OSBPL6: variants seen among roughly 807,000 people sequenced by gnomAD.
OSBPL6 encodes oxysterol-binding protein-related protein 6.
Under a neutral mutation model 125.8 loss-of-function variants are expected in OSBPL6, and 49 were observed. The observed-to-expected ratio is 0.39, with a 90% CI of 0.31 to 0.49. The LOEUF (loss-of-function observed/expected upper bound fraction) is 0.49, where lower values mean the gene tolerates loss of function less well. OSBPL6 is among the 20% of genes least tolerant of loss of function. The probability of loss-of-function intolerance (pLI) is 0.88; values close to 1 mark genes in which losing one functional copy is unlikely to be tolerated. For missense variants in OSBPL6, 986 were observed against 1,135.4 expected, an observed-to-expected ratio of 0.87 and a Z score of 1.89; for synonymous variants, 394 against 391.8, an observed-to-expected ratio of 1.01 and a Z score of -0.07.
chr2:178,286,413 T>C (rs893991846), intron 2 of OSBPL6, among the ~76,000 whole-genome samples: 3 of 152,390 alleles, frequency 2.0e-5, no homozygotes, highest in Admixed American at 6.5e-5. Flanking sequence ...GTCACTTCTA[T>C]GTACTTTAAT....
rs138057397 is a variant in OSBPL6 at position 178,336,913 on chromosome 2, G to T, written c.790+480G>T. ...CAGGTGTATGTTTCCTGACAACTCGGCAATAAATGGCAAAGTTGTAAAATG... is the reference window on the plus strand; with the variant it reads ...CAGGTGTATGTTTCCTGACAACTCGTCAATAAATGGCAAAGTTGTAAAATG... On this transcript the variant is annotated intron_variant, in intron 9 of 24. Coordinates refer to ENST00000190611, the MANE Select transcript of OSBPL6 (RefSeq NM_032523.4). Among the ~76,000 whole-genome samples, 11 of 152,240 alleles carry T rather than the reference G, an allele frequency of 7.2e-5. No individual in the cohort carries two copies. In the East Asian group the frequency reaches 2.1e-3, roughly 29 times the overall value.
At chr2:178,312,924 T>C (rs1687417054) in intron 3 of OSBPL6, among the ~76,000 whole-genome samples, 1 of 151,914 alleles carries the variant, frequency 6.6e-6, no homozygotes, top group South Asian at 2.1e-4. Flanking sequence ...AGACAGAGTT[T>C]TGCTCTTGTT....
chr2:178,198,742 C>T (rs2089064634), intron 1 of OSBPL6, among the ~76,000 whole-genome samples: 1 of 152,156 alleles, frequency 6.6e-6, no homozygotes, highest in Non-Finnish European at 1.5e-5. Flanking sequence ...GTAATATGGA[C>T]ATACTATTAG....
intron 11 of OSBPL6, among the ~76,000 whole-genome samples, chr2:178,341,816 CTG>C (rs1690227383): frequency 2.6e-5 from 4 of 152,144 alleles, no homozygotes; most frequent in Non-Finnish European, 5.9e-5. Flanking sequence ...TGGACCTTTT[CTG>C]CTTGCCCAAA....
chr2:178,309,641 CTTAG>C (rs1380755833), intron 3 of OSBPL6, among the ~76,000 whole-genome samples: 2 of 152,206 alleles, frequency 1.3e-5, no homozygotes, highest in African/African-American at 4.8e-5. Context: ...CAAGCCTCCT[CTTAG>C]TTATTTAACA....
intron 2 of OSBPL6, among the ~76,000 whole-genome samples, chr2:178,292,824 GAA>G (rs1685408401): frequency 6.6e-6 from 1 of 152,264 alleles, no homozygotes; most frequent in South Asian, 2.1e-4. Flanking sequence ...TGAAGGAAAT[GAA>G]AAGAGTATTG....
chr2:178,226,321 A>T (rs367960192), intron 1 of OSBPL6, among the ~76,000 whole-genome samples: 1 of 151,886 alleles, frequency 6.6e-6, no homozygotes, highest in African/African-American at 2.4e-5. Flanking sequence ...TGGGCAAAGG[A>T]TGCTGGGTGG....
intron 1 of OSBPL6, among the ~76,000 whole-genome samples, chr2:178,235,096 G>A (rs1433146947): frequency 6.6e-6 from 1 of 152,080 alleles, no homozygotes; most frequent in Non-Finnish European, 1.5e-5. Context: ...TTAATAAATG[G>A]GTTATTTGTT....
At chr2:178,344,185 A>G in intron 11 of OSBPL6, 1 of 1,041,900 alleles carries the variant, frequency 9.6e-7, no homozygotes, top group Non-Finnish European at 1.5e-6. Context: ...CTTCAGTTAA[A>G]AACTCTCCCT....
At chr2:178,305,957 A>G (rs1686725810) in intron 2 of OSBPL6, 73 bp from the exon 3 acceptor site, 3 of 337,232 alleles carry the variant, frequency 8.9e-6, no homozygotes, top group Non-Finnish European at 1.1e-5. Context: ...ACAAATTAAT[A>G]TTTCATCCTA....
chr2:178,332,897 A>G lies in OSBPL6; in HGVS notation c.513A>G (p.Ala171=), dbSNP rs372169578. 32 of 1,613,412 alleles carry G rather than the reference A, an allele frequency of 2.0e-5. No homozygotes were observed. Among genetic ancestry groups the G allele is most frequent in the Non-Finnish European group, 2.6e-5 (31 of 1,179,554 alleles). Residue 171 remains alanine, a synonymous_variant, in exon 8 of 25, where the codon GCA becomes GCG. Transcript: ENST00000190611. ...LKVKSQDWFD[A]WVSKLRHHRL... ...TGAAATCCCAGGACTGGTTTGATGC[A>G]TGGGTCTCCAAACTGCGACATCATC...
chr2:178,372,037 A>G, intron 13 of OSBPL6, 89 bp from the exon 14 acceptor site: 1 of 951,540 alleles, frequency 1.1e-6, no homozygotes, highest in Non-Finnish European at 1.6e-6. Context: ...CATCACAGAC[A>G]TTATTGTCTA....
chr2:178,331,476 A>C (rs1689189438), intron 5 of OSBPL6, 76 bp from the exon 6 acceptor site: 1 of 1,460,918 alleles, frequency 6.8e-7, no homozygotes, highest in South Asian at 1.1e-5. Context: ...ATGCCAAGCA[A>C]CATTAGACCC....
rs559504669 is a variant in OSBPL6, at chr2:178,244,899, C to T, written c.-350-40028C>T. On this transcript the variant is annotated intron_variant, in intron 1 of 24. Coordinates refer to ENST00000190611, the MANE Select transcript of OSBPL6 (RefSeq NM_032523.4). ...TTTTCTCCACATGTGTTACTTTCCCCCAACAATGTGCTAAGTTACAGATGG... is the reference window on the plus strand; with the variant it reads ...TTTTCTCCACATGTGTTACTTTCCCTCAACAATGTGCTAAGTTACAGATGG... Among the ~76,000 whole-genome samples, 3 of 152,264 alleles carry T rather than the reference C, an allele frequency of 2.0e-5. No individual in the cohort carries two copies. The East Asian group carries it at 5.8e-4, about 29-fold the overall frequency.
intron 2 of OSBPL6, among the ~76,000 whole-genome samples, chr2:178,305,246 G>GTGCT (rs1208665218): frequency 1.3e-5 from 2 of 152,158 alleles, no homozygotes; most frequent in Non-Finnish European, 2.9e-5. Flanking sequence ...TTATACCATA[G>GTGCT]TGCTTACCTT....
chr2:178,328,483 C>G, intron 5 of OSBPL6, 105 bp downstream of exon 5: 2 of 1,439,966 alleles, frequency 1.4e-6, no homozygotes, highest in Non-Finnish European at 1.9e-6. Flanking sequence ...ATGTGTAAAA[C>G]TAGCTTTTTA....
chr2:178,274,756 T>C (rs1449573193), intron 1 of OSBPL6, among the ~76,000 whole-genome samples: 1 of 152,232 alleles, frequency 6.6e-6, no homozygotes, highest in Non-Finnish European at 1.5e-5. Flanking sequence ...TATTACAATA[T>C]CCAGACACCA....
chr2:178,309,493 T>A lies in OSBPL6; in HGVS notation c.102+3207T>A, dbSNP rs183440906. Among the ~76,000 whole-genome samples, 4 of 152,340 alleles carry A rather than the reference T, an allele frequency of 2.6e-5. No homozygotes were observed. The East Asian group carries it at 7.7e-4, about 29-fold the overall frequency. On this transcript the variant is annotated intron_variant, in intron 3 of 24. Transcript: ENST00000190611. Reference sequence around the variant, plus strand: ...ATGGATAAGTAAAACAAAGAACATCTGTGCATAATAGTAATTACCTGTCCT... The same window carrying A: ...ATGGATAAGTAAAACAAAGAACATCAGTGCATAATAGTAATTACCTGTCCT...
intron 11 of OSBPL6, among the ~76,000 whole-genome samples, chr2:178,346,462 T>C (rs934811904): frequency 6.6e-6 from 1 of 152,228 alleles, no homozygotes; most frequent in African/African-American, 2.4e-5. Flanking sequence ...GACTTATTCA[T>C]GGACAGGACT....
Sources: allele counts gnomAD v4.1 joint callset (sites outside exome capture counted in the v4.1 genomes callset), GRCh38; gene constraint gnomAD v4.1.1; transcripts MANE v1.5; gene names NCBI Gene and HGNC (gene_info 2026-07-23, HGNC 2026-07-21).